Variants in QTGAL observed in about 807,000 individuals in gnomAD.
QTGAL encodes queuosine-tRNA galactosyltransferase.
the QTGAL span, among the ~76,000 whole-genome samples, chr17:83,008,174 A>G: frequency 1.3e-5 from 2 of 151,516 alleles, no homozygotes; most frequent in African/African-American, 4.9e-5. Context: ...CACCTAGCAC[A>G]GGGCCTGGAC....
chr17:82,959,612 G>A, the QTGAL span, among the ~76,000 whole-genome samples: 1 of 151,976 alleles, frequency 6.6e-6, no homozygotes, highest in Admixed American at 6.6e-5. Flanking sequence ...GGGGGGACGA[G>A]CCTGATCCTC....
At chr17:83,023,193 G>A in the QTGAL span, among the ~76,000 whole-genome samples, 12,554 of 64,008 alleles carry the variant, frequency 0.2, 1,499 homozygotes, top group Admixed American at 0.25. Context: ...CTGCACCAGC[G>A]TGAACTCACA....
the QTGAL span, among the ~76,000 whole-genome samples, chr17:83,037,496 C>A: frequency 6.6e-6 from 1 of 152,198 alleles, no homozygotes; most frequent in Non-Finnish European, 1.5e-5. This position sits in a 1 kb window ranked among gnomAD's most constrained non-coding sequence, Gnocchi z 5.2. Flanking sequence ...CATAAACAGG[C>A]GCAGGGAGGA....
the QTGAL span, among the ~76,000 whole-genome samples, chr17:83,024,626 T>A: frequency 0.038 from 5,829 of 152,336 alleles, 171 homozygotes; most frequent in African/African-American, 0.082. Flanking sequence ...AGAAGAGGAC[T>A]CTGGCCCAGG....
chr17:82,980,434 C>G, the QTGAL span, among the ~76,000 whole-genome samples: 1 of 152,086 alleles, frequency 6.6e-6, no homozygotes, highest in East Asian at 1.9e-4. Context: ...AGCCTCAGAC[C>G]CCCCCAGGTG....
At chr17:83,047,139 C>T in the QTGAL span, among the ~76,000 whole-genome samples, 1 of 152,298 alleles carries the variant, frequency 6.6e-6, no homozygotes, top group Non-Finnish European at 1.5e-5. Flanking sequence ...CTGGGAAATC[C>T]AAGAGTAACG....
the QTGAL span, chr17:83,048,997 A>T: frequency 5.4e-6 from 3 of 554,952 alleles, no homozygotes; most frequent in African/African-American, 3.8e-5. Context: ...GTGAAAAAAA[A>T]ACTGAAAGGA....
chr17:83,002,790 C>T, the QTGAL span, among the ~76,000 whole-genome samples: 1 of 152,204 alleles, frequency 6.6e-6, no homozygotes, highest in African/African-American at 2.4e-5. Flanking sequence ...GTGCTGGGGG[C>T]ACACGGGACA....
chr17:82,975,529 GTC>G, the QTGAL span, among the ~76,000 whole-genome samples: 1 of 8,546 alleles, frequency 1.2e-4, no homozygotes. Context: ...ACTATGGAGA[GTC>G]AGGGCCCCGG....
chr17:82,960,129 C>T, the QTGAL span, among the ~76,000 whole-genome samples: 9 of 152,146 alleles, frequency 5.9e-5, no homozygotes, highest in East Asian at 1.9e-4. Context: ...GGAGCGCGGA[C>T]GCGGGAGGCC....
chr17:83,001,774 G>A, the QTGAL span, among the ~76,000 whole-genome samples: 1 of 152,128 alleles, frequency 6.6e-6, no homozygotes, highest in African/African-American at 2.4e-5. Context: ...ATGCAATAAA[G>A]TTTTTCTTTT....
At chr17:82,993,861 G>C in the QTGAL span, among the ~76,000 whole-genome samples, 4 of 151,946 alleles carry the variant, frequency 2.6e-5, no homozygotes, top group Non-Finnish European at 4.4e-5. Context: ...AGGAATTTTG[G>C]AAACTATACA....
At chr17:82,994,762 A>G in the QTGAL span, among the ~76,000 whole-genome samples, 1 of 152,200 alleles carries the variant, frequency 6.6e-6, no homozygotes, top group African/African-American at 2.4e-5. Flanking sequence ...ACTATAGGCC[A>G]ATATCACTGT....
At chr17:82,960,913 C>G in the QTGAL span, 496 of 1,288,958 alleles carry the variant, frequency 3.8e-4, 3 homozygotes, top group Middle Eastern at 3.1e-3. Flanking sequence ...GTGCTGTTGC[C>G]CCGTGTCCCA....
chr17:82,971,576 CACTCAT>C, the QTGAL span, among the ~76,000 whole-genome samples: 1 of 128,050 alleles, frequency 7.8e-6, no homozygotes, highest in African/African-American at 2.7e-5. Flanking sequence ...AACCACACCA[CACTCAT>C]AGGGGCCAGA....
At chr17:83,036,403 C>T in the QTGAL span, among the ~76,000 whole-genome samples, 11 of 152,308 alleles carry the variant, frequency 7.2e-5, no homozygotes, top group African/African-American at 2.2e-4. Context: ...CTGGGGGCTG[C>T]GATCTTCTGT....
chr17:83,050,490 T>A, the QTGAL span, among the ~76,000 whole-genome samples: 114 of 152,300 alleles, frequency 7.5e-4, no homozygotes, highest in African/African-American at 2.7e-3. Flanking sequence ...CTACAAAATA[T>A]AATGTTTCTA....
At chr17:82,989,635 T>A in the QTGAL span, among the ~76,000 whole-genome samples, 1 of 152,196 alleles carries the variant, frequency 6.6e-6, no homozygotes, top group East Asian at 1.9e-4. Flanking sequence ...GTTTCAACGT[T>A]TTTACGGACA....
At chr17:82,988,916 A>T in the QTGAL span, among the ~76,000 whole-genome samples, 3 of 152,246 alleles carry the variant, frequency 2.0e-5, no homozygotes, top group Non-Finnish European at 2.9e-5. Flanking sequence ...AATGTAAATT[A>T]GTCCAACCAT....
Sources: allele counts gnomAD v4.1 joint callset (sites outside exome capture counted in the v4.1 genomes callset), GRCh38; gene constraint gnomAD v4.1.1; non-coding constraint Gnocchi (gnomAD v3.1); transcripts MANE v1.5; gene names NCBI Gene and HGNC (gene_info 2026-07-23, HGNC 2026-07-21).